Variants in ACAT1 observed in about 807,000 individuals in gnomAD.
ACAT1 encodes acetyl-CoA acetyltransferase, mitochondrial.
In ACAT1, 28 loss-of-function variants were observed where a neutral mutation model predicts 47.3. The ratio of observed to expected loss-of-function variants is 0.59; its 90% confidence interval spans 0.44 to 0.81. ACAT1 has a LOEUF of 0.81. Ranked by LOEUF, ACAT1 falls within the 30% of genes least tolerant of loss-of-function variation. The pLI is 0.00. For synonymous variants in ACAT1, 181 were observed against 173.6 expected, an observed-to-expected ratio of 1.04 and a Z score of -0.34; for missense variants, 469 against 524.3, an observed-to-expected ratio of 0.89 and a Z score of 1.03.
At position 108,134,472 on chromosome 11, in the gene ACAT1, G is replaced by T. The variant is rs919238881; in HGVS notation, c.334+156G>T. ...ATCCTGGCCAACATGGTGAAACCCC[G>T]TCTCTACTAAAAATACAAAAATTAG... On this transcript the variant is annotated intron_variant, in intron 4 of 11. Transcript: ENST00000265838. 8 of 542,904 alleles carry T rather than the reference G, an allele frequency of 1.5e-5. No homozygotes were observed. The Admixed American group carries it at 2.2e-4, about 15-fold the overall frequency. 33.6% of individuals were successfully genotyped at this position (542,904 alleles called of 1,614,324 possible). A position where few individuals can be genotyped will look rare whatever the true frequency, so the allele number is the denominator to read the frequency against.
At chr11:108,121,791 GC>G in intron 1 of ACAT1, 113 bp downstream of exon 1, 3 of 1,228,938 alleles carry the variant, frequency 2.4e-6, no homozygotes, top group East Asian at 2.6e-5. Flanking sequence ...CGCGGCTTAG[GC>G]CCCAGGACAG....
chr11:108,124,327 G>A (rs886872294), intron 1 of ACAT1, among the ~76,000 whole-genome samples: 16 of 152,094 alleles, frequency 1.1e-4, no homozygotes, highest in Admixed American at 9.8e-4. Context: ...GCAGTGGCAC[G>A]ATCTTGGCTT....
At position 108,141,809 on chromosome 11, in the gene ACAT1, T is replaced by C. The variant is rs1406696156; in HGVS notation, c.826+109T>C. On this transcript the variant is annotated intron_variant, in intron 8 of 11. Coordinates refer to ENST00000265838, the MANE Select transcript of ACAT1 (RefSeq NM_000019.4). ...AATTCTAGAAAACATCTAGATGTTA[T>C]TTAACATTTTCAGTATATCAGGCTC... 9.2e-6 allele frequency: 7 copies of C among 757,012 alleles called. No homozygotes were observed. The South Asian group carries it at 1.1e-4, about 12-fold the overall frequency. The allele number at this position is 757,012 out of a possible 1,614,324, so 46.9% of individuals were successfully genotyped here. A position where few individuals can be genotyped will look rare whatever the true frequency, so the allele number is the denominator to read the frequency against.
chr11:108,146,148 G>T, intron 10 of ACAT1, 54 bp from the exon 11 acceptor site: 2 of 1,401,902 alleles, frequency 1.4e-6, no homozygotes, highest in South Asian at 1.2e-5. Flanking sequence ...AATGATGACA[G>T]TAAGTTGTGA....
chr11:108,141,841 A>G, intron 8 of ACAT1, 141 bp downstream of exon 8: 2 of 668,818 alleles, frequency 3.0e-6, no homozygotes, highest in South Asian at 3.4e-5. Context: ...GCTCATGTAA[A>G]ATTGTTTTGG....
In ACAT1 at chr11:108,147,498, A is replaced by G; in HGVS notation, c.*108A>G. 6 of 1,361,532 alleles carry G rather than the reference A, an allele frequency of 4.4e-6. No homozygotes were observed. Among genetic ancestry groups the G allele is most frequent in the Non-Finnish European group, 6.1e-6 (6 of 980,244 alleles). 84.3% of individuals were successfully genotyped at this position (1,361,532 alleles called of 1,614,324 possible). A position where few individuals can be genotyped will look rare whatever the true frequency, so the allele number is the denominator to read the frequency against. Reference sequence around the variant, plus strand: ...ATTCAGATAAGCTGTTTCATTTTTTATTATTTTCTATGTTAACTTTTAAAA... The same window carrying G: ...ATTCAGATAAGCTGTTTCATTTTTTGTTATTTTCTATGTTAACTTTTAAAA... On this transcript the variant is annotated 3_prime_UTR_variant, in exon 12 of 12. Transcript: ENST00000265838.
intron 5 of ACAT1, among the ~76,000 whole-genome samples, chr11:108,137,458 A>C (rs1459711954): frequency 1.3e-5 from 2 of 152,150 alleles, no homozygotes; most frequent in African/African-American, 4.8e-5. Context: ...GAGTCAGATG[A>C]GTGTTGATGA....
chr11:108,126,264 A>G (rs1050314069), intron 1 of ACAT1, among the ~76,000 whole-genome samples: 4 of 152,144 alleles, frequency 2.6e-5, no homozygotes, highest in East Asian at 1.9e-4. Flanking sequence ...CGGCCTCCCA[A>G]AGGGCTGGGA....
intron 1 of ACAT1, among the ~76,000 whole-genome samples, chr11:108,122,607 T>C (rs759313997): frequency 2.0e-5 from 3 of 152,204 alleles, no homozygotes; most frequent in Non-Finnish European, 4.4e-5. Context: ...GTGCTGGCGG[T>C]AGGAGCTTTG....
chr11:108,140,188 G>A lies in ACAT1; in HGVS notation c.703G>A (p.Val235Ile). 6.2e-7 allele frequency: 1 copy of A among 1,614,128 alleles called. No individual in the cohort carries two copies. ...AWEAGKFGNE[V>I]IPVTVTVKGQ... is the part of the protein sequence containing the mutation. ...GGAAGCTGGGAAATTTGGAAATGAAGTTATTCCTGTCACAGTTACAGTAAA... is the reference window on the plus strand; with the variant it reads ...GGAAGCTGGGAAATTTGGAAATGAAATTATTCCTGTCACAGTTACAGTAAA... The change falls in exon 7 of 12, where the codon GTT (valine) becomes ATT (isoleucine). Residue 235 changes from valine (V) to isoleucine (I), a missense_variant. Coordinates refer to ENST00000265838, the MANE Select transcript of ACAT1 (RefSeq NM_000019.4).
At chr11:108,124,206 T>C (rs2077206355) in intron 1 of ACAT1, among the ~76,000 whole-genome samples, 1 of 152,242 alleles carries the variant, frequency 6.6e-6, no homozygotes, top group African/African-American at 2.4e-5. Flanking sequence ...GTAACCTTGC[T>C]TCTTCCCTTT....
intron 1 of ACAT1, among the ~76,000 whole-genome samples, chr11:108,130,531 T>A (rs1444848300): frequency 2.0e-5 from 3 of 151,772 alleles, no homozygotes; most frequent in Non-Finnish European, 4.4e-5. Context: ...GTAGCTGGGC[T>A]TACATGCATG....
upstream of ACAT1, chr11:108,121,422 A>T (rs2077144645): frequency 1.5e-6 from 1 of 678,004 alleles, no homozygotes; most frequent in Non-Finnish European, 2.6e-6. Context: ...TTCCTGGCCC[A>T]GGCTGCGGTG....
At position 108,140,779 on chromosome 11, in the gene ACAT1, A is replaced by G. The variant is rs1408499260; in HGVS notation, c.730+564A>G. ...ACTCATTAACTTGCTTTAGGTTACA[A>G]TTCTATTCCAGGAATGATTACTGTG... On this transcript the variant is annotated intron_variant, in intron 7 of 11. Coordinates refer to ENST00000265838, the MANE Select transcript of ACAT1 (RefSeq NM_000019.4). Among the ~76,000 whole-genome samples, 4 of 152,336 alleles carry G rather than the reference A, an allele frequency of 2.6e-5. No individual in the cohort carries two copies. In the East Asian group the frequency reaches 5.8e-4, roughly 22 times the overall value.
chr11:108,121,254 C>G (rs2077141773), upstream of ACAT1: 1 of 417,394 alleles, frequency 2.4e-6, no homozygotes, highest in Non-Finnish European at 4.5e-6. Flanking sequence ...CTGGGTAGGC[C>G]TAAGGGAAAC....
chr11:108,144,300 T>G (rs373701122), intron 10 of ACAT1: 81 of 513,366 alleles, frequency 1.6e-4, no homozygotes, highest in African/African-American at 1.5e-3. Flanking sequence ...TACTTGTAAG[T>G]ATCATACAGA....
At chr11:108,116,761 G>C (rs999422588), upstream of ACAT1, among the ~76,000 whole-genome samples, 6 of 152,114 alleles carry the variant, frequency 3.9e-5, no homozygotes, top group African/African-American at 1.4e-4. Flanking sequence ...TTGGACTGAT[G>C]CCTCTACAAA....
Position 108,143,970 on chromosome 11 carries a change from T to A in ACAT1, c.941-13T>A. On this transcript the variant is annotated splice_polypyrimidine_tract_variant and intron_variant, in intron 9 of 11. Transcript: ENST00000265838. ...AAGATTTTAACAACCCCCCCCCCCC[T>A]TTTTTTAAACAGCATTTGCTGACGC... The A allele has an allele frequency of 7.6e-6, 5 of 659,214 alleles. No individual in the cohort carries two copies. The highest frequency in any genetic ancestry group is 1.0e-5 in the Non-Finnish European group (4 of 399,276). 40.8% of individuals were successfully genotyped at this position (659,214 alleles called of 1,614,324 possible).
In ACAT1 at chr11:108,147,395, C is replaced by T. The variant is rs745942477; in HGVS notation, c.*5C>T. The T allele has an allele frequency of 7.5e-6, 12 of 1,608,708 alleles. No homozygotes were observed. In the South Asian group the frequency reaches 7.7e-5, roughly 10 times the overall value. On this transcript the variant is annotated 3_prime_UTR_variant, in exon 12 of 12. Coordinates refer to ENST00000265838, the MANE Select transcript of ACAT1 (RefSeq NM_000019.4). ...ATGCTAATTCAGAAGCTGTAGACAA[C>T]CTCTGCTATTTAAGGAGACAACCCT...
Sources: gnomAD v4.1 joint callset for allele counts (sites outside exome capture counted in the v4.1 genomes callset) on GRCh38, gnomAD v4.1.1 for gene constraint, MANE v1.5 for transcripts, NCBI Gene and HGNC (gene_info 2026-07-23, HGNC 2026-07-21) for gene names.